Variants in FOXP2 observed in about 807,000 individuals in gnomAD.
FOXP2 encodes the protein forkhead box protein P2.
In FOXP2, 12 loss-of-function variants were observed where a neutral mutation model predicts 115.8. That is an observed-to-expected ratio of 0.10 (90% confidence interval 0.07 to 0.17). The LOEUF is 0.17. Among genes scored for constraint, FOXP2 ranks in the 10% least tolerant of loss-of-function variants. The pLI, the probability that FOXP2 is intolerant of heterozygous loss-of-function variation, is 1.00. For missense variants in FOXP2, 629 were observed against 843.5 expected, an observed-to-expected ratio of 0.75 and a Z score of 3.15; for synonymous variants, 328 against 297.7, an observed-to-expected ratio of 1.10 and a Z score of -1.05.
intron 1 of FOXP2, among the ~76,000 whole-genome samples, chr7:114,285,948 A>G (rs1167687557): frequency 6.6e-6 from 1 of 151,972 alleles, no homozygotes; most frequent in East Asian, 1.9e-4. Context: ...AGCAAAATCA[A>G]TTAATTTTAT....
chr7:114,550,368 G>A (rs1356854127), intron 3 of FOXP2, among the ~76,000 whole-genome samples: 6 of 151,900 alleles, frequency 3.9e-5, no homozygotes, highest in African/African-American at 9.7e-5. Flanking sequence ...CACCTGCCTC[G>A]GCCTCCCAAA....
chr7:114,662,019 G>A (rs775432359), intron 13 of FOXP2, 46 bp from the exon 14 acceptor site: 18 of 1,608,614 alleles, frequency 1.1e-5, no homozygotes, highest in South Asian at 6.6e-5. Context: ...TGCCTTATTA[G>A]ACAATATTAT....
intron 2 of FOXP2, among the ~76,000 whole-genome samples, chr7:114,459,089 C>A (rs574282280): frequency 2.6e-5 from 4 of 152,248 alleles, no homozygotes; most frequent in African/African-American, 9.6e-5. Flanking sequence ...CAGCATAGAG[C>A]CAGTTTTAGT....
intron 11 of FOXP2, 51 bp downstream of exon 11, chr7:114,658,318 G>A (rs1188908201): frequency 1.3e-6 from 2 of 1,568,340 alleles, no homozygotes; most frequent in Non-Finnish European, 8.7e-7. Context: ...GAGGAAAACT[G>A]TAGCTGAATC....
chr7:114,587,859 T>C (rs1367794594), intron 3 of FOXP2, among the ~76,000 whole-genome samples: 1 of 59,420 alleles, frequency 1.7e-5, no homozygotes, highest in African/African-American at 5.4e-5. Flanking sequence ...AACTGCTAAT[T>C]GGGTGAATAA....
intron 3 of FOXP2, among the ~76,000 whole-genome samples, chr7:114,543,316 A>G (rs1379919188): frequency 1.3e-5 from 2 of 152,166 alleles, no homozygotes; most frequent in Non-Finnish European, 2.9e-5. Context: ...TAGTAGAATT[A>G]TAGTAGACCC....
intron 1 of FOXP2, among the ~76,000 whole-genome samples, chr7:114,424,204 C>A (rs1460468141): frequency 1.3e-5 from 2 of 151,216 alleles, no homozygotes; most frequent in Non-Finnish European, 3.0e-5. Context: ...ATTTGATGGC[C>A]TTGATTATGA....
intron 1 of FOXP2, among the ~76,000 whole-genome samples, chr7:114,130,477 C>A (rs192934751): frequency 6.6e-6 from 1 of 152,198 alleles, no homozygotes; most frequent in East Asian, 1.9e-4. Flanking sequence ...ATTGAGGAAA[C>A]AGAATTAGGA....
chr7:114,434,560 A>G (rs987807088), intron 2 of FOXP2, among the ~76,000 whole-genome samples: 2 of 151,890 alleles, frequency 1.3e-5, no homozygotes, highest in Non-Finnish European at 2.9e-5. Flanking sequence ...TATAAATACA[A>G]TTATTGAAAG....
intron 2 of FOXP2, among the ~76,000 whole-genome samples, chr7:114,487,550 T>C (rs1796852211): frequency 6.6e-6 from 1 of 152,184 alleles, no homozygotes; most frequent in Non-Finnish European, 1.5e-5. Context: ...AAAATGGGTT[T>C]TTCTTTTCTA....
chr7:114,114,335 A>G (rs1329252467), intron 1 of FOXP2, among the ~76,000 whole-genome samples: 2 of 151,514 alleles, frequency 1.3e-5, no homozygotes, highest in Admixed American at 6.6e-5. Flanking sequence ...TTTGGACTAA[A>G]TTCTACAAAA....
intron 1 of FOXP2, among the ~76,000 whole-genome samples, chr7:114,089,473 T>C (rs1390330579): frequency 6.6e-6 from 1 of 152,038 alleles, no homozygotes; most frequent in Non-Finnish European, 1.5e-5. Flanking sequence ...TATGAACTAT[T>C]TATAATGTTA....
intron 1 of FOXP2, among the ~76,000 whole-genome samples, chr7:114,222,312 T>A (rs758558813): frequency 1.1e-4 from 17 of 152,142 alleles, no homozygotes; most frequent in Non-Finnish European, 2.1e-4. Context: ...TGTGCCTGCA[T>A]GGCTGGCTAA....
intron 2 of FOXP2, among the ~76,000 whole-genome samples, chr7:114,301,075 T>G (rs1187918875): frequency 6.6e-6 from 1 of 152,068 alleles, no homozygotes; most frequent in Non-Finnish European, 1.5e-5. Flanking sequence ...ATGCTGAAAT[T>G]AGAATTTATA....
intron 2 of FOXP2, among the ~76,000 whole-genome samples, chr7:114,475,362 A>C (rs1796211205): frequency 6.6e-6 from 1 of 152,028 alleles, no homozygotes; most frequent in African/African-American, 2.4e-5. Flanking sequence ...ACAGTTTTTG[A>C]CTTATCAAAA....
At chr7:114,148,848 G>A (rs1365074798) in intron 1 of FOXP2, among the ~76,000 whole-genome samples, 3 of 151,938 alleles carry the variant, frequency 2.0e-5, no homozygotes, top group African/African-American at 4.8e-5. Context: ...CTTCATCTCC[G>A]TTTCTACTGT....
chr7:114,594,021 A>G (rs1272936558), intron 3 of FOXP2, among the ~76,000 whole-genome samples: 5 of 152,026 alleles, frequency 3.3e-5, no homozygotes, highest in African/African-American at 1.2e-4. Flanking sequence ...GACCTATTTT[A>G]TAAAATAGAT....
intron 1 of FOXP2, among the ~76,000 whole-genome samples, chr7:114,257,047 C>G (rs1795632241): frequency 1.3e-5 from 2 of 152,130 alleles, no homozygotes; most frequent in African/African-American, 4.8e-5. Flanking sequence ...TCAAAGTTTA[C>G]TACAAGGCTA....
chr7:114,339,284 A>C (rs1043532347), intron 2 of FOXP2, among the ~76,000 whole-genome samples: 1 of 151,180 alleles, frequency 6.6e-6, no homozygotes, highest in African/African-American at 2.4e-5. Context: ...GGTATATGAT[A>C]ATGTGATAAA....
Sources: gnomAD v4.1 joint callset for allele counts (sites outside exome capture counted in the v4.1 genomes callset) on GRCh38, gnomAD v4.1.1 for gene constraint, MANE v1.5 for transcripts, NCBI Gene and HGNC (gene_info 2026-07-23, HGNC 2026-07-21) for gene names.